Variants in CELF2 observed in about 807,000 individuals in gnomAD.
CELF2 encodes CUGBP Elav-like family member 2, also known as CUG triplet repeat RNA-binding protein 2.
CELF2 carries 8 observed loss-of-function variants against 62.6 expected under a neutral mutation model. The ratio of observed to expected loss-of-function variants is 0.13; its 90% CI spans 0.07 to 0.23. The LOEUF (loss-of-function observed/expected upper bound fraction) is 0.23. Among genes scored for constraint, CELF2 ranks in the 10% least tolerant of loss-of-function variants. The pLI is 1.00. For synonymous variants in CELF2, 258 were observed against 250.0 expected, an observed-to-expected ratio of 1.03 and a Z score of -0.30; for missense variants, 333 against 671.0, an observed-to-expected ratio of 0.50 and a Z score of 5.56.
chr10:11,058,363 A>C (rs1180876011), intron 1 of CELF2, among the ~76,000 whole-genome samples: 1 of 152,140 alleles, frequency 6.6e-6, no homozygotes, highest in Non-Finnish European at 1.5e-5. Context: ...TCTGGCTTTA[A>C]GAGTTTTATC....
chr10:11,102,694 T>G (rs543310025), intron 1 of CELF2, among the ~76,000 whole-genome samples: 2 of 152,328 alleles, frequency 1.3e-5, no homozygotes, highest in East Asian at 3.9e-4. Flanking sequence ...CCAGTAATTT[T>G]GGATTGGAAA....
At chr10:10,909,049 C>T (rs1182470929) in intron 1 of CELF2, among the ~76,000 whole-genome samples, 1 of 152,196 alleles carries the variant, frequency 6.6e-6, no homozygotes, top group Non-Finnish European at 1.5e-5. Context: ...CTCAGCCTCC[C>T]AAAGTGCTAG....
chr10:11,058,769 T>TTTTTG (rs543921917), intron 1 of CELF2, among the ~76,000 whole-genome samples: 3,788 of 151,644 alleles, frequency 0.025, 72 homozygotes, highest in South Asian at 0.037. Flanking sequence ...CGCCCGGGCT[T>TTTTTG]TTTTGTTTTG....
chr10:11,122,137 CT>C (rs1172274162), intron 1 of CELF2, among the ~76,000 whole-genome samples: 1 of 152,166 alleles, frequency 6.6e-6, no homozygotes, highest in Non-Finnish European at 1.5e-5. Flanking sequence ...ATGGAACATT[CT>C]TTTTTCAATG....
the CELF2 span, among the ~76,000 whole-genome samples, chr10:10,714,959 G>C: frequency 2.0e-5 from 3 of 152,080 alleles, no homozygotes; most frequent in African/African-American, 7.2e-5. Context: ...ATTCATCGCA[G>C]GGTGACTTTA....
intron 2 of CELF2, among the ~76,000 whole-genome samples, chr10:11,174,483 C>T (rs2070253004): frequency 6.6e-6 from 1 of 152,166 alleles, no homozygotes; most frequent in African/African-American, 2.4e-5. Context: ...GGTATTAATT[C>T]ACATTGGAGA....
chr10:11,138,933 G>A (rs966931683), intron 1 of CELF2, among the ~76,000 whole-genome samples: 1 of 152,234 alleles, frequency 6.6e-6, no homozygotes, highest in Admixed American at 6.5e-5. Flanking sequence ...GCAGTGGTAT[G>A]TGACTGAACT....
At chr10:10,945,471 C>T (rs923475102) in intron 2 of CELF2, among the ~76,000 whole-genome samples, 4 of 152,202 alleles carry the variant, frequency 2.6e-5, no homozygotes, top group East Asian at 1.9e-4. Flanking sequence ...AGCTCTGCAC[C>T]GAGGCCTGTT....
chr10:10,485,914 A>G, the CELF2 span, among the ~76,000 whole-genome samples: 7 of 152,230 alleles, frequency 4.6e-5, no homozygotes, highest in Admixed American at 4.6e-4. Flanking sequence ...GAGGAAGTGA[A>G]ATCACCCCTG....
intron 1 of CELF2, among the ~76,000 whole-genome samples, chr10:10,882,353 G>A (rs1400576033): frequency 6.6e-6 from 1 of 152,240 alleles, no homozygotes. Context: ...TCCAAGAGCA[G>A]AACTGAAATG....
chr10:10,681,909 G>T, the CELF2 span, among the ~76,000 whole-genome samples: 1 of 152,166 alleles, frequency 6.6e-6, no homozygotes, highest in African/African-American at 2.4e-5. Context: ...AAAAGCTTAC[G>T]TGTAGTAAAT....
rs1287241495 is a variant in CELF2, at chr10:11,039,481, G to A, written c.74+21318G>A. On this transcript the variant is annotated intron_variant, in intron 1 of 12. Coordinates refer to ENST00000633077, the MANE Select transcript of CELF2 (RefSeq NM_001326342.2). The surrounding 1 kb of genome is among the most constrained non-coding windows in gnomAD (Gnocchi z 4.1). ...AGCTATGTAGTCACGGTCACAGTGT[G>A]TACTCAAAGTACCTTAAAACGAGTT... 6.6e-6 allele frequency among the ~76,000 whole-genome samples: 1 copy of A among 152,186 alleles called. No homozygotes were observed. Among genetic ancestry groups the A allele is most frequent in the Non-Finnish European group, 1.5e-5 (1 of 68,038 alleles).
chr10:10,547,213 TGCCTATC>T, the CELF2 span, among the ~76,000 whole-genome samples: 1 of 152,152 alleles, frequency 6.6e-6, no homozygotes, highest in Non-Finnish European at 1.5e-5. Context: ...CCCAAATACT[TGCCTATC>T]GAGAAATATC....
intron 1 of CELF2, among the ~76,000 whole-genome samples, chr10:11,052,214 C>G (rs1291887): frequency 0.39 from 59,283 of 152,012 alleles, 13,851 homozygotes; most frequent in African/African-American, 0.64. Flanking sequence ...GGGATTACAG[C>G]CATGAGCCAC....
At chr10:11,175,106 C>T (rs1008393353) in intron 2 of CELF2, among the ~76,000 whole-genome samples, 1 of 151,980 alleles carries the variant, frequency 6.6e-6, no homozygotes, top group African/African-American at 2.4e-5. Flanking sequence ...ATGCACCAGA[C>T]ACCAAGTGTT....
intron 2 of CELF2, among the ~76,000 whole-genome samples, chr10:11,181,406 A>G (rs1447022742): frequency 2.6e-5 from 4 of 152,190 alleles, no homozygotes; most frequent in African/African-American, 9.7e-5. Context: ...GGTAACCAAT[A>G]GGTGCTTAAT....
At chr10:10,691,255 T>C in the CELF2 span, among the ~76,000 whole-genome samples, 90 of 151,636 alleles carry the variant, frequency 5.9e-4, no homozygotes, top group Middle Eastern at 6.8e-3. Flanking sequence ...GAATATGCGC[T>C]GTTTGGTTTT....
chr10:10,909,357 TG>T (rs1323096982), intron 1 of CELF2, among the ~76,000 whole-genome samples: 1 of 152,220 alleles, frequency 6.6e-6, no homozygotes, highest in African/African-American at 2.4e-5. Flanking sequence ...GGAAATAATG[TG>T]GCCCCTACTT....
At chr10:11,009,039 A>G (rs1196137882) in intron 1 of CELF2, among the ~76,000 whole-genome samples, 1 of 148,264 alleles carries the variant, frequency 6.7e-6, no homozygotes, top group Non-Finnish European at 1.5e-5. Context: ...GATTCATAAA[A>G]CTATTGATTG....
Sources: allele counts gnomAD v4.1 joint callset (sites outside exome capture counted in the v4.1 genomes callset), GRCh38; gene constraint gnomAD v4.1.1; non-coding constraint Gnocchi (gnomAD v3.1); transcripts MANE v1.5; gene names NCBI Gene and HGNC (gene_info 2026-07-23, HGNC 2026-07-21).